HYCC2: variants seen among roughly 807,000 people sequenced by gnomAD.
HYCC2 encodes the protein hyccin PI4KA lipid kinase complex subunit 2.
chr2:201,058,114 T>C, the HYCC2 span, among the ~76,000 whole-genome samples: 2 of 152,134 alleles, frequency 1.3e-5, no homozygotes, highest in Non-Finnish European at 2.9e-5. Flanking sequence ...CCCTCTATCC[T>C]AACTACCCTC....
the HYCC2 span, chr2:200,980,940 G>A: frequency 2.5e-5 from 8 of 315,568 alleles, no homozygotes; most frequent in South Asian, 2.7e-4. Flanking sequence ...TTCCTCTAAT[G>A]TACCCTCAGT....
the HYCC2 span, among the ~76,000 whole-genome samples, chr2:201,028,393 T>A: frequency 6.6e-6 from 1 of 152,220 alleles, no homozygotes; most frequent in Non-Finnish European, 1.5e-5. Context: ...CTACCCAAGG[T>A]AATTTATAGA....
At chr2:201,043,509 T>A in the HYCC2 span, among the ~76,000 whole-genome samples, 1 of 150,528 alleles carries the variant, frequency 6.6e-6, no homozygotes, top group Non-Finnish European at 1.5e-5. Flanking sequence ...ATTTTCTTTT[T>A]TTCTTTTTTT....
At chr2:201,024,716 T>C in the HYCC2 span, among the ~76,000 whole-genome samples, 2 of 152,068 alleles carry the variant, frequency 1.3e-5, no homozygotes, top group African/African-American at 4.8e-5. Flanking sequence ...ATGACAAAGC[T>C]AGATAAACTA....
the HYCC2 span, among the ~76,000 whole-genome samples, chr2:201,033,194 T>TGA: frequency 8.0e-4 from 100 of 125,772 alleles, no homozygotes; most frequent in African/African-American, 2.1e-3. Context: ...TGTGTGTGTG[T>TGA]GTGAGAGAGA....
the HYCC2 span, chr2:201,024,079 T>A: frequency 8.9e-7 from 1 of 1,120,760 alleles, no homozygotes; most frequent in Non-Finnish European, 1.3e-6. Context: ...CAGTAGTACT[T>A]ATAGGAACAA....
the HYCC2 span, among the ~76,000 whole-genome samples, chr2:201,062,893 C>T: frequency 6.7e-6 from 1 of 149,492 alleles, no homozygotes; most frequent in Non-Finnish European, 1.5e-5. Flanking sequence ...TATACGGCAA[C>T]TGTTGAAATG....
At chr2:200,993,062 G>T in the HYCC2 span, 1 of 1,209,654 alleles carries the variant, frequency 8.3e-7, no homozygotes, top group Non-Finnish European at 1.2e-6. Context: ...AATAGTTTTT[G>T]TTTTCCTAAA....
At chr2:200,990,520 G>T in the HYCC2 span, among the ~76,000 whole-genome samples, 1 of 151,722 alleles carries the variant, frequency 6.6e-6, no homozygotes, top group Non-Finnish European at 1.5e-5. Flanking sequence ...TCATGCCTCA[G>T]CCTCCCAAGC....
the HYCC2 span, chr2:200,987,681 ACACACATAAG>A: frequency 2.9e-5 from 14 of 490,124 alleles, no homozygotes; most frequent in Non-Finnish European, 4.2e-5. Flanking sequence ...CATGCTGTGC[ACACACATAAG>A]GCAGCAGATG....
At chr2:201,006,705 T>G in the HYCC2 span, among the ~76,000 whole-genome samples, 1 of 152,214 alleles carries the variant, frequency 6.6e-6, no homozygotes, top group Admixed American at 6.5e-5. Flanking sequence ...ACTGGCACTC[T>G]ATGAATGTGC....
chr2:201,020,089 A>AAAAC, the HYCC2 span, among the ~76,000 whole-genome samples: 4 of 152,148 alleles, frequency 2.6e-5, no homozygotes, highest in Non-Finnish European at 4.4e-5. Flanking sequence ...GGCTCAGAAA[A>AAAAC]AAACAAACAA....
chr2:200,982,456 A>C, the HYCC2 span, among the ~76,000 whole-genome samples: 1 of 152,312 alleles, frequency 6.6e-6, no homozygotes, highest in South Asian at 2.1e-4. Flanking sequence ...CAAATTTTTT[A>C]AATAACTCAA....
Sources: allele counts gnomAD v4.1 joint callset (sites outside exome capture counted in the v4.1 genomes callset), GRCh38; gene constraint gnomAD v4.1.1; transcripts MANE v1.5; gene names NCBI Gene and HGNC (gene_info 2026-07-23, HGNC 2026-07-21).